Variants in NTN4 observed in about 807,000 individuals in gnomAD.
NTN4 encodes the protein netrin-4.
NTN4 carries 32 observed loss-of-function variants against 73.6 expected under a neutral mutation model. That is an observed-to-expected ratio of 0.44 (90% CI 0.33 to 0.58). The LOEUF (loss-of-function observed/expected upper bound fraction) is 0.58. Ranked by LOEUF, NTN4 falls within the 20% of genes least tolerant of loss-of-function variation. The pLI, the probability that NTN4 is intolerant of heterozygous loss-of-function variation, is 0.04. For missense variants in NTN4, 654 were observed against 798.3 expected, an observed-to-expected ratio of 0.82 and a Z score of 2.18; for synonymous variants, 258 against 287.5, an observed-to-expected ratio of 0.90 and a Z score of 1.04.
chr12:95,751,063 G>A (rs1233119751), intron 2 of NTN4, among the ~76,000 whole-genome samples: 4 of 151,792 alleles, frequency 2.6e-5, no homozygotes, highest in African/African-American at 4.8e-5. Context: ...ACCCTGAGAC[G>A]CTTTACAGCC....
chr12:95,674,913 A>C (rs1019664716), intron 7 of NTN4, among the ~76,000 whole-genome samples: 10 of 152,216 alleles, frequency 6.6e-5, no homozygotes, highest in African/African-American at 2.2e-4. Context: ...GCTTGGCTGG[A>C]ATGCTGCCAA....
At chr12:95,739,405 T>C (rs1192841548) in intron 2 of NTN4, among the ~76,000 whole-genome samples, 1 of 152,180 alleles carries the variant, frequency 6.6e-6, no homozygotes, top group Non-Finnish European at 1.5e-5. Context: ...TTTATCCACA[T>C]GCAAAGTGGT....
At chr12:95,765,320 C>T (rs1000581393) in intron 2 of NTN4, among the ~76,000 whole-genome samples, 3 of 152,168 alleles carry the variant, frequency 2.0e-5, no homozygotes, top group African/African-American at 7.2e-5. Context: ...ATCTAACTCC[C>T]ACTCTATTAT....
Position 95,738,011 on chromosome 12 carries a change from T to C in NTN4, c.719A>G (p.Asp240Gly). ...AAAATGTTGAGGCTCTTCGTTCAGG[T>C]CATTTCTCTGACAGGGACAAGACTG... is the stretch of plus-strand genomic sequence containing the variant. ...KRQSCPCQRN[D>G]LNEEPQHFTH... The change falls in exon 3 of 10, where the codon GAC (aspartate) becomes GGC (glycine). Residue 240 changes from aspartate (D) to glycine (G), a missense_variant. Asp to Gly is a moderately conservative substitution (Grantham distance 94, BLOSUM62 -1). Coordinates refer to ENST00000343702, the MANE Select transcript of NTN4 (RefSeq NM_021229.4). 6.2e-7 allele frequency: 1 copy of C among 1,614,086 alleles called. No homozygotes were observed. Among genetic ancestry groups the C allele is most frequent in the Non-Finnish European group, 8.5e-7 (1 of 1,180,008 alleles).
At position 95,673,083 on chromosome 12, in the gene NTN4, AC is replaced by A. The variant is rs2078246419; in HGVS notation, c.1511-2938del. ...CCAAGAAGTGAAGGCCGGCGGGCGG[AC>A]TACTGTCCCCAGGAGCACCCTCCTT... is the stretch of plus-strand genomic sequence containing the variant. On this transcript the variant is annotated intron_variant, in intron 7 of 9. Transcript: ENST00000343702. 2.3e-5 allele frequency: 33 copies of A among 1,410,734 alleles called. 1 individual carries two copies. In the Admixed American group the frequency reaches 5.5e-4, roughly 23 times the overall value. 87.4% of individuals were successfully genotyped at this position (1,410,734 alleles called of 1,614,324 possible).
At chr12:95,769,880 C>T (rs1565914713) in intron 2 of NTN4, among the ~76,000 whole-genome samples, 1 of 151,756 alleles carries the variant, frequency 6.6e-6, no homozygotes, top group Non-Finnish European at 1.5e-5. Context: ...CCTCAGCCTC[C>T]CAAGTAGCTG....
At chr12:95,743,523 G>A (rs1208727044) in intron 2 of NTN4, among the ~76,000 whole-genome samples, 3 of 152,018 alleles carry the variant, frequency 2.0e-5, no homozygotes, top group Non-Finnish European at 2.9e-5. Context: ...GCATCCCCCC[G>A]AAGTTTGATA....
chr12:95,737,749 G>T, intron 3 of NTN4, 117 bp downstream of exon 3: 1 of 917,184 alleles, frequency 1.1e-6, no homozygotes, highest in Non-Finnish European at 1.6e-6. Flanking sequence ...TGGAGTCGGA[G>T]CTGTGATGGG....
intron 3 of NTN4, among the ~76,000 whole-genome samples, chr12:95,717,243 T>C (rs1203217702): frequency 6.6e-6 from 1 of 152,190 alleles, no homozygotes; most frequent in African/African-American, 2.4e-5. Context: ...TTGGAAGGCC[T>C]AAGGCCTATA....
At chr12:95,762,739 T>G (rs969203260) in intron 2 of NTN4, among the ~76,000 whole-genome samples, 1 of 151,950 alleles carries the variant, frequency 6.6e-6, no homozygotes, top group Non-Finnish European at 1.5e-5. Context: ...GCTCATGGAG[T>G]AGAGATTTAT....
rs550802483 is a variant in NTN4, at chr12:95,711,448, G to C, written c.992-819C>G. Among the ~76,000 whole-genome samples the C allele has an allele frequency of 2.3e-4, 35 of 152,292 alleles. No individual in the cohort carries two copies. The Middle Eastern group carries it at 0.014, about 60-fold the overall frequency. ...TCTCCTGTCCTTGCTAAGAAAAGCTGAGATTGTCAGGCCTTATGTGGAAAG... is the reference window on the plus strand; with the variant it reads ...TCTCCTGTCCTTGCTAAGAAAAGCTCAGATTGTCAGGCCTTATGTGGAAAG... On this transcript the variant is annotated intron_variant, in intron 4 of 9. Transcript: ENST00000343702.
At chr12:95,720,419 A>G (rs2078639139) in intron 3 of NTN4, among the ~76,000 whole-genome samples, 1 of 152,208 alleles carries the variant, frequency 6.6e-6, no homozygotes, top group African/African-American at 2.4e-5. Context: ...CATGGGAATC[A>G]TACATTATCC....
At chr12:95,698,271 A>G (rs141471974) in intron 5 of NTN4, among the ~76,000 whole-genome samples, 104 of 152,314 alleles carry the variant, frequency 6.8e-4, no homozygotes, top group African/African-American at 2.4e-3. Context: ...GCACATAAAC[A>G]TTGCTAAATT....
intron 5 of NTN4, among the ~76,000 whole-genome samples, chr12:95,692,930 A>T (rs1255467389): frequency 6.6e-6 from 1 of 152,068 alleles, no homozygotes; most frequent in Non-Finnish European, 1.5e-5. Context: ...AGCCACAGAG[A>T]TGTTTTGTGA....
intron 2 of NTN4, among the ~76,000 whole-genome samples, chr12:95,747,673 A>G (rs2078872067): frequency 6.6e-6 from 1 of 152,138 alleles, no homozygotes; most frequent in Non-Finnish European, 1.5e-5. Flanking sequence ...AACATCTAAT[A>G]CAATGCCTTA....
chr12:95,705,293 T>C (rs1047760348), intron 5 of NTN4, among the ~76,000 whole-genome samples: 2 of 152,126 alleles, frequency 1.3e-5, no homozygotes, highest in Non-Finnish European at 2.9e-5. Flanking sequence ...GCTATATCTA[T>C]AAATATCAAC....
chr12:95,728,873 G>A (rs115302135), intron 3 of NTN4, among the ~76,000 whole-genome samples: 1,881 of 152,248 alleles, frequency 0.012, 38 homozygotes, highest in African/African-American at 0.042. Context: ...CTGCCCTCAG[G>A]ATAGTGAGTT....
chr12:95,713,191 T>G, intron 4 of NTN4, 21 bp downstream of exon 4: 1 of 1,603,676 alleles, frequency 6.2e-7, no homozygotes, highest in Non-Finnish European at 8.5e-7. Flanking sequence ...AGCTTTTGAG[T>G]ATCGTGGGCT....
At chr12:95,704,582 A>G (rs1326772893) in intron 5 of NTN4, among the ~76,000 whole-genome samples, 1 of 152,208 alleles carries the variant, frequency 6.6e-6, no homozygotes, top group African/African-American at 2.4e-5. Context: ...AAATATTACT[A>G]AAGAGTAATG....
Sources: allele counts gnomAD v4.1 joint callset (sites outside exome capture counted in the v4.1 genomes callset), GRCh38; gene constraint gnomAD v4.1.1; transcripts MANE v1.5; gene names NCBI Gene and HGNC (gene_info 2026-07-23, HGNC 2026-07-21).